MAP3K7CL: variants seen among roughly 807,000 people sequenced by gnomAD.
MAP3K7CL encodes the protein MAP3K7 C-terminal-like protein.
A neutral mutation model predicts 18.6 loss-of-function variants in MAP3K7CL; 16 were observed. That is an observed-to-expected ratio of 0.86 (90% CI 0.58 to 1.31). The LOEUF (loss-of-function observed/expected upper bound fraction) is 1.31. MAP3K7CL is among the 50% of genes most tolerant of loss of function. MAP3K7CL has a pLI of 0.00. For missense variants in MAP3K7CL, 163 were observed against 174.4 expected (o/e 0.93, Z 0.37); for synonymous variants, 65 against 66.8 (o/e 0.97, Z 0.13).
At chr21:29,126,428 G>A (rs913364302), upstream of MAP3K7CL, among the ~76,000 whole-genome samples, 9 of 152,228 alleles carry the variant, frequency 5.9e-5, no homozygotes, top group South Asian at 1.2e-3. Flanking sequence ...GCTCATAAGT[G>A]TAAAATATTT....
chr21:29,104,716 A>G (rs977388372), intron 4 of MAP3K7CL, among the ~76,000 whole-genome samples: 1 of 152,194 alleles, frequency 6.6e-6, no homozygotes, highest in Non-Finnish European at 1.5e-5. Flanking sequence ...GTTGTCTCCA[A>G]TTACAGCACT....
At chr21:29,167,923 T>C (rs2087731459) in intron 4 of MAP3K7CL, among the ~76,000 whole-genome samples, 1 of 151,740 alleles carries the variant, frequency 6.6e-6, no homozygotes, top group Non-Finnish European at 1.5e-5. Flanking sequence ...ATGGTCTTGA[T>C]CTCCTGACCT....
intron 4 of MAP3K7CL, among the ~76,000 whole-genome samples, chr21:29,163,757 G>A (rs2065271): frequency 0.2 from 29,217 of 145,884 alleles, 3,020 homozygotes; most frequent in East Asian, 0.28. Flanking sequence ...GTGCAGTGAT[G>A]CAATCATAGC....
At chr21:29,089,319 C>T (rs1389992000) in intron 1 of MAP3K7CL, among the ~76,000 whole-genome samples, 1 of 151,926 alleles carries the variant, frequency 6.6e-6, no homozygotes, top group African/African-American at 2.4e-5. Flanking sequence ...ATCTGAGAGC[C>T]CAAGATGGGC....
intron 4 of MAP3K7CL, among the ~76,000 whole-genome samples, chr21:29,106,194 T>G (rs770362560): frequency 6.6e-6 from 1 of 152,156 alleles, no homozygotes; most frequent in Non-Finnish European, 1.5e-5. Context: ...ACGGCACTTT[T>G]TTTTTGTTTT....
chr21:29,169,957 G>T (rs2087783265), intron 4 of MAP3K7CL, among the ~76,000 whole-genome samples: 1 of 152,164 alleles, frequency 6.6e-6, no homozygotes, highest in Non-Finnish European at 1.5e-5. Flanking sequence ...CATGACTGCA[G>T]AAATAAGATC....
At chr21:29,111,024 A>T (rs1345156926) in intron 4 of MAP3K7CL, among the ~76,000 whole-genome samples, 1 of 152,074 alleles carries the variant, frequency 6.6e-6, no homozygotes, top group Non-Finnish European at 1.5e-5. Context: ...TGGGAGGCTG[A>T]GGTGGGCGGA....
chr21:29,092,316 C>G, intron 3 of MAP3K7CL: 5 of 920,272 alleles, frequency 5.4e-6, no homozygotes, highest in Non-Finnish European at 6.4e-6. Flanking sequence ...ATTAACAACC[C>G]TCTCTAAAGA....
At chr21:29,166,565 CCTTGACTT>C (rs2087693793) in intron 4 of MAP3K7CL, among the ~76,000 whole-genome samples, 1 of 152,156 alleles carries the variant, frequency 6.6e-6, no homozygotes, top group African/African-American at 2.4e-5. Flanking sequence ...CCCCACTGAC[CCTTGACTT>C]CTGGACTTTG....
chr21:29,081,657 G>T (rs1235746266), upstream of MAP3K7CL, among the ~76,000 whole-genome samples: 1 of 152,100 alleles, frequency 6.6e-6, no homozygotes, highest in African/African-American at 2.4e-5. Context: ...TGTAAAGAAA[G>T]GTAAATTTAC....
At chr21:29,091,266 A>T (rs1252756434) in intron 1 of MAP3K7CL, among the ~76,000 whole-genome samples, 1 of 152,230 alleles carries the variant, frequency 6.6e-6, no homozygotes, top group Non-Finnish European at 1.5e-5. Context: ...ATGACTAATT[A>T]TCCACCAATT....
chr21:29,114,446 A>G (rs11700687), intron 4 of MAP3K7CL, among the ~76,000 whole-genome samples: 68,020 of 151,916 alleles, frequency 0.45, 15,442 homozygotes, highest in East Asian at 0.64. Context: ...GCTGGAGGAC[A>G]GTGGTGCAAT....
intron 4 of MAP3K7CL, among the ~76,000 whole-genome samples, chr21:29,114,320 C>T (rs138164630): frequency 1.5e-4 from 19 of 127,810 alleles, no homozygotes; most frequent in Middle Eastern, 3.8e-3. Flanking sequence ...CTGCCCACCT[C>T]GGCATCCCAA....
rs966275588 is a variant in MAP3K7CL, at chr21:29,175,711, G to A, written c.*819G>A. ...GAACTTGTAACTATTGTTTTGTTTT[G>A]GATTTAAGGAGATGTTTTAGATCAG... is the stretch of plus-strand genomic sequence containing the variant. On this transcript the variant is annotated 3_prime_UTR_variant, in exon 5 of 5. Coordinates refer to ENST00000399928, the MANE Select transcript of MAP3K7CL (RefSeq NM_001286620.2). The A allele has an allele frequency of 6.6e-6, 1 of 152,110 alleles. No homozygotes were observed. The highest frequency in any genetic ancestry group is 1.5e-5 in the Non-Finnish European group (1 of 68,004). 9.4% of individuals were successfully genotyped at this position (152,110 alleles called of 1,614,324 possible).
intron 4 of MAP3K7CL, among the ~76,000 whole-genome samples, chr21:29,101,387 G>T (rs1175785296): frequency 6.6e-6 from 1 of 152,162 alleles, no homozygotes; most frequent in African/African-American, 2.4e-5. Context: ...TTTGTTCTCA[G>T]CCTGGTCTTG....
intron 1 of MAP3K7CL, among the ~76,000 whole-genome samples, chr21:29,079,738 T>G (rs2085805408): frequency 6.6e-6 from 1 of 152,192 alleles, no homozygotes; most frequent in African/African-American, 2.4e-5. Flanking sequence ...GTGTGTGGCC[T>G]ACATTCAGAG....
At chr21:29,109,131 G>A in intron 4 of MAP3K7CL, 1 of 1,535,384 alleles carries the variant, frequency 6.5e-7, no homozygotes, top group Middle Eastern at 1.7e-4. Flanking sequence ...CCTGACTGAA[G>A]ATGCTTGTTT....
chr21:29,110,883 G>T (rs139638550), intron 4 of MAP3K7CL, among the ~76,000 whole-genome samples: 21 of 152,180 alleles, frequency 1.4e-4, no homozygotes, highest in South Asian at 6.2e-4. Flanking sequence ...AAATCTGAAC[G>T]TATATATTTT....
intron 4 of MAP3K7CL, chr21:29,109,760 A>T: frequency 1.0e-6 from 1 of 985,698 alleles, no homozygotes; most frequent in Non-Finnish European, 1.2e-6. Context: ...GCAAAATTGT[A>T]CAATGGTCTA....
Sources: allele counts gnomAD v4.1 joint callset (sites outside exome capture counted in the v4.1 genomes callset), GRCh38; gene constraint gnomAD v4.1.1; transcripts MANE v1.5; gene names NCBI Gene and HGNC (gene_info 2026-07-23, HGNC 2026-07-21).